RUNX3: variants seen among roughly 807,000 people sequenced by gnomAD.
RUNX3 encodes RUNX family transcription factor 3, also known as runt-related transcription factor 3.
A neutral mutation model predicts 27.7 loss-of-function variants in RUNX3; 10 were observed. The ratio of observed to expected loss-of-function variants is 0.36; its 90% CI spans 0.22 to 0.61. The LOEUF (loss-of-function observed/expected upper bound fraction) is 0.61, where lower values mean the gene tolerates loss of function less well. Ranked by LOEUF, RUNX3 falls within the 20% of genes least tolerant of loss-of-function variation. RUNX3 has a pLI of 0.72. For missense variants in RUNX3, 469 were observed against 629.5 expected (o/e 0.75, Z 2.73); for synonymous variants, 270 against 269.2 (o/e 1.00, Z -0.03).
chr1:24,922,150 C>T (rs190701400), intron 2 of RUNX3, among the ~76,000 whole-genome samples: 22 of 150,824 alleles, frequency 1.5e-4, no homozygotes, highest in Admixed American at 5.3e-4. Flanking sequence ...TTCCTTCCCT[C>T]CCTTCCTTCC....
intron 3 of RUNX3, among the ~76,000 whole-genome samples, chr1:24,908,880 G>A (rs1471490746): frequency 2.6e-5 from 4 of 152,196 alleles, no homozygotes; most frequent in Non-Finnish European, 5.9e-5. Context: ...CCCAGAACAT[G>A]CCTTCTTCTC....
At chr1:24,905,322 C>T (rs2124245354) in intron 4 of RUNX3, among the ~76,000 whole-genome samples, 1 of 152,350 alleles carries the variant, frequency 6.6e-6, no homozygotes, top group Admixed American at 6.5e-5. Flanking sequence ...TAAGATCATA[C>T]AGCCAATGCC....
rs1640947533 is a variant in RUNX3, at chr1:24,919,220, G to A, written c.544+20C>T. On this transcript the variant is annotated intron_variant, in intron 3 of 4. Transcript: ENST00000308873. ...CCCTCCTCCCCCGCGCAGGGGCTCA[G>A]GGGGCTCGGTGGCACTTACGTCTGG... The A allele has an allele frequency of 1.3e-6, 2 of 1,525,288 alleles. No individual in the cohort carries two copies. Among genetic ancestry groups the A allele is most frequent in the East Asian group, 4.7e-5 (2 of 42,486 alleles). 94.5% of individuals were successfully genotyped at this position (1,525,288 alleles called of 1,614,324 possible). A position where few individuals can be genotyped will look rare whatever the true frequency, so the allele number is the denominator to read the frequency against.
chr1:24,903,987 A>T (rs1640614476), intron 4 of RUNX3, among the ~76,000 whole-genome samples: 1 of 152,220 alleles, frequency 6.6e-6, no homozygotes, highest in Non-Finnish European at 1.5e-5. Flanking sequence ...TTGCAAGGCC[A>T]CTGTGGCTGT....
rs762181757 is a variant in RUNX3, at chr1:24,927,745, C to T, written c.283-15G>A. 1.0e-5 allele frequency: 16 copies of T among 1,544,114 alleles called. No homozygotes were observed. Among genetic ancestry groups the T allele is most frequent in the African/African-American group, 8.3e-5 (6 of 72,716 alleles). On this transcript the variant is annotated splice_polypyrimidine_tract_variant and intron_variant, in intron 1 of 4. Coordinates refer to ENST00000308873, the MANE Select transcript of RUNX3 (RefSeq NM_004350.3). This position sits in a 1 kb window ranked among gnomAD's most constrained non-coding sequence, Gnocchi z 5.0. ...AATGCCACCACCTGAAGACACGGGG[C>T]GGGGGGATGCAGGGGGACAGCTTAG...
chr1:24,953,898 G>C (rs1168797577), intron 2 of RUNX3, among the ~76,000 whole-genome samples: 2 of 152,128 alleles, frequency 1.3e-5, no homozygotes, highest in Non-Finnish European at 2.9e-5. Flanking sequence ...TGTTCAACCT[G>C]TAATGACTGT....
In RUNX3 at chr1:24,902,728, A is replaced by G. The variant is rs546071773; in HGVS notation, c.704-62T>C. 9.6e-5 allele frequency: 135 copies of G among 1,405,894 alleles called. No individual in the cohort carries two copies. In the African/African-American group the frequency reaches 1.7e-3, roughly 17 times the overall value. The allele number at this position is 1,405,894 out of a possible 1,614,324, so 87.1% of individuals were successfully genotyped here. A position where few individuals can be genotyped will look rare whatever the true frequency, so the allele number is the denominator to read the frequency against. ...AGACAACCCCAGGAGGGCTTCCTGA[A>G]GAATGACCTTGGGCTCTGGTTCCCA... On this transcript the variant is annotated intron_variant, in intron 4 of 4. Transcript: ENST00000308873. The surrounding 1 kb of genome is among the most constrained non-coding windows in gnomAD (Gnocchi z 9.2).
chr1:24,945,922 C>T (rs1414103748), intron 2 of RUNX3, among the ~76,000 whole-genome samples: 1 of 152,156 alleles, frequency 6.6e-6, no homozygotes, highest in African/African-American at 2.4e-5. Flanking sequence ...TAAGGACTTG[C>T]TATTGTGTCC....
chr1:24,929,306 AC>A (rs761444266), intron 1 of RUNX3: 13 of 662,782 alleles, frequency 2.0e-5, no homozygotes, highest in East Asian at 5.9e-5. Context: ...GGGGCGCAAA[AC>A]CCCATCCGCC....
chr1:24,947,456 A>G (rs1260476718), intron 2 of RUNX3, among the ~76,000 whole-genome samples: 3 of 152,102 alleles, frequency 2.0e-5, no homozygotes, highest in African/African-American at 4.8e-5. Context: ...GCAGATACTC[A>G]GTGCTGAGTC....
At position 24,929,740 on chromosome 1, in the gene RUNX3, C is replaced by A. The variant is rs750671076; in HGVS notation, c.129G>T (p.Gly43=). The change falls in exon 1 of 5, where the codon GGG becomes GGT. Residue 43 remains glycine, a synonymous_variant. Transcript: ENST00000308873. ...SGALSAQAAV[G]PGGRARPEVR... ...CCTCGGGCCGGGCGCGCCCTCCGGGCCCCACGGCCGCCTGCGCGCTCAGCG... is the reference window on the plus strand; with the variant it reads ...CCTCGGGCCGGGCGCGCCCTCCGGGACCCACGGCCGCCTGCGCGCTCAGCG... 2.0e-6 allele frequency: 3 copies of A among 1,480,274 alleles called. No homozygotes were observed. Among genetic ancestry groups the A allele is most frequent in the Non-Finnish European group, 2.7e-6 (3 of 1,124,690 alleles). 91.7% of individuals were successfully genotyped at this position (1,480,274 alleles called of 1,614,324 possible). A position where few individuals can be genotyped will look rare whatever the true frequency, so the allele number is the denominator to read the frequency against.
In RUNX3 at chr1:24,958,744, C is replaced by T. The variant is rs1351371975; in HGVS notation, c.58+5770G>A. Among the ~76,000 whole-genome samples the T allele has an allele frequency of 3.3e-5, 5 of 152,330 alleles. 1 individual carries two copies. The East Asian group carries it at 9.6e-4, about 29-fold the overall frequency. The stretch of plus-strand genomic sequence containing the variant: ...AGGTAGGGAACTACTCGCTGAGTCT[C>T]AGGGCAGGCCCACGGACTGAAGCTC... On this transcript the variant is annotated intron_variant, in intron 2 of 6. Transcript: ENST00000338888.
upstream of RUNX3, among the ~76,000 whole-genome samples, chr1:24,931,136 G>A (rs1641219105): frequency 6.6e-6 from 1 of 152,194 alleles, no homozygotes; most frequent in Non-Finnish European, 1.5e-5. Flanking sequence ...CGGTACGCGC[G>A]TCGGTGGCAA....
At chr1:24,945,868 C>G (rs954913599) in intron 2 of RUNX3, among the ~76,000 whole-genome samples, 5 of 152,224 alleles carry the variant, frequency 3.3e-5, no homozygotes, top group African/African-American at 1.2e-4. Flanking sequence ...ACTTGGCCCC[C>G]TCTCTTTCCC....
chr1:24,957,755 C>T (rs1571366679), intron 2 of RUNX3, among the ~76,000 whole-genome samples: 1 of 152,208 alleles, frequency 6.6e-6, no homozygotes, highest in African/African-American at 2.4e-5. Flanking sequence ...ATTAAACCTA[C>T]CCAACATGCC....
Position 24,929,747 on chromosome 1 carries a change from G to A in RUNX3, c.122C>T (p.Ala41Val). 1 of 1,471,388 alleles carries A rather than the reference G, an allele frequency of 6.8e-7. No individual in the cohort carries two copies. Among genetic ancestry groups the A allele is most frequent in the Non-Finnish European group, 8.9e-7 (1 of 1,120,682 alleles). 91.1% of individuals were successfully genotyped at this position (1,471,388 alleles called of 1,614,324 possible). The change falls in exon 1 of 5, where the codon GCC becomes GTC. Residue 41 changes from alanine (A) to valine (V), a missense_variant. By Grantham distance (64) the Ala-to-Val change is moderately conservative. This residue lies in a region of RUNX3 where 115 missense variants were observed against 118.0 expected (regional missense o/e 0.97). Transcript: ENST00000308873. ...CCGGGCGCGCCCTCCGGGCCCCACG[G>A]CCGCCTGCGCGCTCAGCGCGCCGCT... Reference protein sequence around the residue: ...ENSGALSAQAAVGPGGRARPE... With the variant: ...ENSGALSAQAVVGPGGRARPE...
At chr1:24,964,064 C>T (rs968997918) in intron 2 of RUNX3, among the ~76,000 whole-genome samples, 6 of 152,188 alleles carry the variant, frequency 3.9e-5, no homozygotes, top group South Asian at 4.1e-4. Context: ...AAAATGTTGG[C>T]GGTGGTCTCC....
chr1:24,917,408 G>T (rs1314742574), intron 3 of RUNX3, among the ~76,000 whole-genome samples: 3 of 152,214 alleles, frequency 2.0e-5, no homozygotes, highest in African/African-American at 7.2e-5. Flanking sequence ...CAGGAAGGGG[G>T]CTGGGTACTG....
chr1:24,945,408 C>T (rs1013399523), intron 2 of RUNX3, among the ~76,000 whole-genome samples: 3 of 152,188 alleles, frequency 2.0e-5, no homozygotes, highest in African/African-American at 7.2e-5. Context: ...CCCTCTTTGG[C>T]TCCCAGAATG....
Sources: allele counts gnomAD v4.1 joint callset (sites outside exome capture counted in the v4.1 genomes callset), GRCh38; gene constraint gnomAD v4.1.1; regional missense constraint gnomAD v4.1.1; non-coding constraint Gnocchi (gnomAD v3.1); transcripts MANE v1.5; gene names NCBI Gene and HGNC (gene_info 2026-07-23, HGNC 2026-07-21).